ZNF487: variants seen among roughly 807,000 people sequenced by gnomAD.
The protein encoded by ZNF487 is zinc finger protein 487, also known as KRAB domain only 1.
ZNF487 carries 4 observed loss-of-function variants against 3.0 expected under a neutral mutation model. That is an observed-to-expected ratio of 1.35 (90% CI 0.66 to 3.08). The LOEUF is 3.08. Among genes scored for constraint, ZNF487 ranks in the 30% most tolerant of loss-of-function variants. The pLI, the probability that ZNF487 is intolerant of heterozygous loss-of-function variation, is 0.01. For missense variants in ZNF487, 146 were observed against 98.7 expected (o/e 1.48, Z -2.03); for synonymous variants, 55 against 34.6 (o/e 1.59, Z -2.06).
the ZNF487 span, among the ~76,000 whole-genome samples, chr10:43,507,458 C>G: frequency 6.6e-6 from 1 of 152,146 alleles, no homozygotes; most frequent in Non-Finnish European, 1.5e-5. Flanking sequence ...GCTTCCCCTG[C>G]TTCTGTTCAG....
At chr10:43,480,139 G>C (rs544649021) in intron 3 of ZNF487, among the ~76,000 whole-genome samples, 1 of 139,342 alleles carries the variant, frequency 7.2e-6, no homozygotes, top group Admixed American at 7.4e-5. Context: ...ATGGAGTCTT[G>C]CTCTCTTGCC....
chr10:43,498,852 G>C, the ZNF487 span, among the ~76,000 whole-genome samples: 28,641 of 151,142 alleles, frequency 0.19, 2,941 homozygotes, highest in African/African-American at 0.22. Context: ...TGAGGCAGGA[G>C]AATGGCGTGA....
At chr10:43,461,609 C>G (rs927545900) in intron 1 of ZNF487, among the ~76,000 whole-genome samples, 2 of 152,182 alleles carry the variant, frequency 1.3e-5, no homozygotes, top group African/African-American at 4.8e-5. Context: ...GTATGAGCCA[C>G]TGCCCCCGGC....
the ZNF487 span, among the ~76,000 whole-genome samples, chr10:43,496,302 G>T: frequency 6.6e-6 from 1 of 152,132 alleles, no homozygotes; most frequent in African/African-American, 2.4e-5. Flanking sequence ...TTGGTCACTG[G>T]AAACTTTTTT....
chr10:43,504,896 C>T, the ZNF487 span, among the ~76,000 whole-genome samples: 5 of 151,392 alleles, frequency 3.3e-5, no homozygotes, highest in East Asian at 2.0e-4. Context: ...TAGTAGAGAC[C>T]GGGTTTCACA....
chr10:43,502,391 G>A, the ZNF487 span, among the ~76,000 whole-genome samples: 4 of 152,074 alleles, frequency 2.6e-5, no homozygotes, highest in African/African-American at 9.7e-5. Flanking sequence ...GTGGGGTGGG[G>A]GGGGATAGCA....
chr10:43,472,695 G>C (rs1326929329), intron 1 of ZNF487, among the ~76,000 whole-genome samples: 1 of 152,084 alleles, frequency 6.6e-6, no homozygotes, highest in Non-Finnish European at 1.5e-5. Flanking sequence ...TCAGCCTCTT[G>C]ATCACTATGC....
At chr10:43,471,312 C>T (rs1389683067) in intron 1 of ZNF487, among the ~76,000 whole-genome samples, 1 of 152,174 alleles carries the variant, frequency 6.6e-6, no homozygotes, top group Non-Finnish European at 1.5e-5. Flanking sequence ...CACTTGCTCG[C>T]ACACTTGGAT....
At position 43,437,210 on chromosome 10, in the gene ZNF487, G is replaced by C. The variant is rs1325446753; in HGVS notation, c.-146G>C. The C allele has an allele frequency of 4.0e-6, 1 of 248,622 alleles. No homozygotes were observed. The highest frequency in any genetic ancestry group is 3.3e-5 in the South Asian group (1 of 30,420). 15.4% of individuals were successfully genotyped at this position (248,622 alleles called of 1,614,324 possible). ...CCTCGGGTTCCTCCCTCCTCCGAGAGACCGCCGAGGTGCGGGCTGTGAGAG... is the reference window on the plus strand; with the variant it reads ...CCTCGGGTTCCTCCCTCCTCCGAGACACCGCCGAGGTGCGGGCTGTGAGAG... On this transcript the variant is annotated 5_prime_UTR_variant, in exon 1 of 4. Transcript: ENST00000437590.
chr10:43,483,067 C>A lies in ZNF487; in HGVS notation c.*1145C>A, dbSNP rs1007311705. The A allele has an allele frequency of 4.4e-6, 2 of 458,070 alleles. No individual in the cohort carries two copies. Among genetic ancestry groups the A allele is most frequent in the Non-Finnish European group, 8.8e-6 (2 of 227,514 alleles). The allele number at this position is 458,070 out of a possible 1,614,324, so 28.4% of individuals were successfully genotyped here. ...TGTCAGAGAGACAACATAGAGGAAA[C>A]CCTTGTCAACATCCTGAAGGCTCAG... On this transcript the variant is annotated 3_prime_UTR_variant, in exon 4 of 4. Coordinates refer to ENST00000437590, the MANE Select transcript of ZNF487 (RefSeq NM_001355444.3).
chr10:43,443,061 C>CTTTTTTT (rs34420531), intron 1 of ZNF487, among the ~76,000 whole-genome samples: 1 of 119,886 alleles, frequency 8.3e-6, no homozygotes, highest in Non-Finnish European at 1.6e-5. Flanking sequence ...CTCGTTCTAG[C>CTTTTTTT]TTTTTTTTTT....
chr10:43,495,498 G>T, the ZNF487 span, among the ~76,000 whole-genome samples: 1 of 152,038 alleles, frequency 6.6e-6, no homozygotes, highest in African/African-American at 2.4e-5. Context: ...CCCGCCTGGG[G>T]CTCTCAATGT....
At chr10:43,451,508 G>A (rs982993346) in intron 1 of ZNF487, among the ~76,000 whole-genome samples, 1 of 151,434 alleles carries the variant, frequency 6.6e-6, no homozygotes, top group African/African-American at 2.4e-5. Context: ...GCCTCCCAAA[G>A]TGCTGGGATT....
chr10:43,468,275 C>T (rs1840776463), intron 1 of ZNF487, among the ~76,000 whole-genome samples: 1 of 152,154 alleles, frequency 6.6e-6, no homozygotes, highest in Non-Finnish European at 1.5e-5. Flanking sequence ...CTTACATAAA[C>T]TTAGTTAATA....
At chr10:43,447,589 C>G (rs1839859042) in intron 1 of ZNF487, among the ~76,000 whole-genome samples, 2 of 152,200 alleles carry the variant, frequency 1.3e-5, no homozygotes, top group South Asian at 4.1e-4. Context: ...AGGCACTATT[C>G]CATGCCCTGT....
At chr10:43,463,752 T>A (rs977219641) in intron 1 of ZNF487, among the ~76,000 whole-genome samples, 12 of 151,204 alleles carry the variant, frequency 7.9e-5, no homozygotes, top group African/African-American at 2.9e-4. Context: ...GTTGTGTCTC[T>A]GGGTCACATT....
chr10:43,466,990 C>T (rs924741817), intron 1 of ZNF487, among the ~76,000 whole-genome samples: 37 of 151,348 alleles, frequency 2.4e-4, no homozygotes, highest in African/African-American at 8.5e-4. Context: ...GCCGCAGCCT[C>T]CTCAGTAGCT....
the ZNF487 span, among the ~76,000 whole-genome samples, chr10:43,499,046 A>G: frequency 6.6e-6 from 1 of 152,216 alleles, no homozygotes; most frequent in Non-Finnish European, 1.5e-5. Context: ...GAAAAATAGC[A>G]CATAGGTCAG....
chr10:43,460,699 T>C (rs1840400244), intron 1 of ZNF487, among the ~76,000 whole-genome samples: 1 of 147,988 alleles, frequency 6.8e-6, no homozygotes, highest in Non-Finnish European at 1.5e-5. Flanking sequence ...TTAAAAGTCT[T>C]TTTTTTTTTT....
Sources: gnomAD v4.1 joint callset for allele counts (sites outside exome capture counted in the v4.1 genomes callset) on GRCh38, gnomAD v4.1.1 for gene constraint, MANE v1.5 for transcripts, NCBI Gene and HGNC (gene_info 2026-07-23, HGNC 2026-07-21) for gene names.